The following NCK2 variants were observed in gnomAD, a reference collection of about 807,000 sequenced individuals.
The protein encoded by NCK2 is cytoplasmic protein NCK2.
A neutral mutation model predicts 33.9 loss-of-function variants in NCK2; 16 were observed. The ratio of observed to expected loss-of-function variants is 0.47; its 90% confidence interval spans 0.32 to 0.72. The LOEUF is 0.72. NCK2 is among the 30% of genes least tolerant of loss of function. The pLI is 0.03. For missense variants in NCK2, 418 were observed against 537.3 expected (o/e 0.78, Z 2.19); for synonymous variants, 273 against 239.9 (o/e 1.14, Z -1.27).
chr2:105,851,493 G>C (rs1449623741), intron 2 of NCK2, among the ~76,000 whole-genome samples: 1 of 152,114 alleles, frequency 6.6e-6, no homozygotes, highest in Non-Finnish European at 1.5e-5. Flanking sequence ...TCCTGACCTC[G>C]TGAAGCGCCT....
At chr2:105,874,001 A>G (rs1183141327) in intron 3 of NCK2, among the ~76,000 whole-genome samples, 2 of 152,194 alleles carry the variant, frequency 1.3e-5, no homozygotes, top group Admixed American at 6.5e-5. Flanking sequence ...AGGCGGGGGA[A>G]GGCTCGGGGT....
chr2:105,883,928 C>A (rs561487184), intron 4 of NCK2, among the ~76,000 whole-genome samples: 1 of 152,198 alleles, frequency 6.6e-6, no homozygotes, highest in African/African-American at 2.4e-5. Context: ...CTGGGACTTG[C>A]ATCGGCTCTG....
At chr2:105,831,097 ATGTTTGCTT>A (rs1325721535) in intron 2 of NCK2, among the ~76,000 whole-genome samples, 2 of 152,112 alleles carry the variant, frequency 1.3e-5, no homozygotes, top group Non-Finnish European at 2.9e-5. Flanking sequence ...CCATTTGTCT[ATGTTTGCTT>A]TTGTTGCCTC....
At chr2:105,747,392 G>A (rs1689320072) in intron 1 of NCK2, among the ~76,000 whole-genome samples, 1 of 152,138 alleles carries the variant, frequency 6.6e-6, no homozygotes, top group African/African-American at 2.4e-5. Context: ...ATGCACTGGA[G>A]TCCTTTACTT....
intron 2 of NCK2, chr2:105,847,453 A>C (rs1163404725): frequency 6.6e-6 from 1 of 152,130 alleles, no homozygotes; most frequent in Admixed American, 6.6e-5. Flanking sequence ...ATTACTGTTT[A>C]AGCAGTGGTG....
chr2:105,838,723 G>A (rs1484333372), intron 2 of NCK2, among the ~76,000 whole-genome samples: 1 of 152,170 alleles, frequency 6.6e-6, no homozygotes, highest in Non-Finnish European at 1.5e-5. Context: ...TGTGTCTACT[G>A]TGGTGATGGA....
intron 3 of NCK2, among the ~76,000 whole-genome samples, chr2:105,858,579 G>A (rs1193082164): frequency 1.3e-5 from 2 of 152,096 alleles, no homozygotes; most frequent in Non-Finnish European, 2.9e-5. Flanking sequence ...TTCCTGCTTT[G>A]GAATAAAATG....
chr2:105,766,479 C>T (rs1235786233), intron 1 of NCK2, among the ~76,000 whole-genome samples: 3 of 152,036 alleles, frequency 2.0e-5, no homozygotes, highest in Non-Finnish European at 4.4e-5. Flanking sequence ...ATACACCAGC[C>T]CCAGTGAAGT....
rs550918943 is a variant in NCK2, at chr2:105,892,675, G to A, written c.949-307G>A. Among the ~76,000 whole-genome samples the A allele has an allele frequency of 1.1e-4, 17 of 152,192 alleles. No individual in the cohort carries two copies. In the South Asian group the frequency reaches 2.9e-3, roughly 26 times the overall value. ...AGCCTGGCCAACATGGCGAAACCCT[G>A]TCTCTACTAAAAATACAAATATTAG... On this transcript the variant is annotated intron_variant, in intron 4 of 4. Coordinates refer to ENST00000233154, the MANE Select transcript of NCK2 (RefSeq NM_003581.5).
intron 4 of NCK2, among the ~76,000 whole-genome samples, chr2:105,887,218 A>C (rs1363696729): frequency 6.6e-6 from 1 of 152,224 alleles, no homozygotes; most frequent in Non-Finnish European, 1.5e-5. Context: ...AAAAACAGAG[A>C]AACTATTAAT....
intron 1 of NCK2, among the ~76,000 whole-genome samples, chr2:105,762,829 G>T (rs562864866): frequency 1.4e-4 from 22 of 152,300 alleles, no homozygotes; most frequent in Admixed American, 1.4e-3. Flanking sequence ...AGATTACTAT[G>T]TCTCAAGTTT....
At chr2:105,793,681 G>T (rs1441716577) in intron 1 of NCK2, among the ~76,000 whole-genome samples, 2 of 152,252 alleles carry the variant, frequency 1.3e-5, no homozygotes, top group African/African-American at 2.4e-5. Context: ...ACCCACTGCA[G>T]TTGACACCCT....
At chr2:105,846,179 T>G (rs1676849296) in intron 2 of NCK2, among the ~76,000 whole-genome samples, 1 of 152,170 alleles carries the variant, frequency 6.6e-6, no homozygotes, top group Non-Finnish European at 1.5e-5. Flanking sequence ...TGTGTACTTT[T>G]GTAGCTGGAG....
At chr2:105,788,769 T>A (rs188006771) in intron 1 of NCK2, among the ~76,000 whole-genome samples, 1 of 152,186 alleles carries the variant, frequency 6.6e-6, no homozygotes, top group Non-Finnish European at 1.5e-5. Context: ...TTCATTCTTA[T>A]ATAGCTTAAA....
intron 1 of NCK2, among the ~76,000 whole-genome samples, chr2:105,769,088 A>T (rs1189848433): frequency 6.6e-6 from 1 of 152,102 alleles, no homozygotes; most frequent in African/African-American, 2.4e-5. Context: ...CCCCAACCCC[A>T]CTGGTCACCT....
chr2:105,822,507 C>A (rs940724628), intron 2 of NCK2, among the ~76,000 whole-genome samples: 2 of 151,928 alleles, frequency 1.3e-5, no homozygotes, highest in Non-Finnish European at 1.5e-5. Flanking sequence ...CTGTTCAGGG[C>A]GAAACATCAT....
intron 1 of NCK2, among the ~76,000 whole-genome samples, chr2:105,791,130 G>A (rs999387248): frequency 6.6e-6 from 1 of 152,126 alleles, no homozygotes; most frequent in Non-Finnish European, 1.5e-5. Context: ...TGCGGCCCTG[G>A]GCTCAGCCAC....
At chr2:105,755,623 A>T (rs973878656) in intron 1 of NCK2, among the ~76,000 whole-genome samples, 1 of 152,176 alleles carries the variant, frequency 6.6e-6, no homozygotes, top group African/African-American at 2.4e-5. Context: ...TAGATTGGGA[A>T]GTAGAAACAA....
intron 1 of NCK2, among the ~76,000 whole-genome samples, chr2:105,767,048 G>A (rs929872760): frequency 3.3e-5 from 5 of 152,272 alleles, no homozygotes; most frequent in South Asian, 2.1e-4. Flanking sequence ...TCAGCTACTC[G>A]TATGGTCAGC....
Sources: gnomAD v4.1 joint callset for allele counts (sites outside exome capture counted in the v4.1 genomes callset) on GRCh38, gnomAD v4.1.1 for gene constraint, MANE v1.5 for transcripts, NCBI Gene and HGNC (gene_info 2026-07-23, HGNC 2026-07-21) for gene names.